Variants in LDB2 observed in about 807,000 individuals in gnomAD.
LDB2 encodes LIM domain-binding protein 2.
A neutral mutation model predicts 44.3 loss-of-function variants in LDB2; 12 were observed. The ratio of observed to expected loss-of-function variants is 0.27; its 90% confidence interval spans 0.17 to 0.44. LDB2 has a LOEUF of 0.44. Among genes scored for constraint, LDB2 ranks in the 20% least tolerant of loss-of-function variants. The pLI, the probability that LDB2 is intolerant of heterozygous loss-of-function variation, is 1.00. For synonymous variants in LDB2, 164 were observed against 174.8 expected (o/e 0.94, Z 0.49); for missense variants, 344 against 473.5 (o/e 0.73, Z 2.54).
At chr4:16,548,577 A>C (rs531960687) in intron 5 of LDB2, among the ~76,000 whole-genome samples, 25 of 152,338 alleles carry the variant, frequency 1.6e-4, no homozygotes, top group Non-Finnish European at 7.3e-5. Context: ...AAGACTTGGA[A>C]TGCAGCCTGC....
intron 5 of LDB2, among the ~76,000 whole-genome samples, chr4:16,525,894 A>G (rs568663805): frequency 4.6e-5 from 7 of 152,170 alleles, no homozygotes; most frequent in Non-Finnish European, 1.0e-4. Context: ...TCCACATTCT[A>G]ATGGTTCGAA....
rs555263752 is a variant in LDB2, at chr4:16,536,116, C to T, written c.616-24012G>A. 9.8e-5 allele frequency among the ~76,000 whole-genome samples: 15 copies of T among 152,300 alleles called. No homozygotes were observed. In the South Asian group the frequency reaches 3.1e-3, roughly 32 times the overall value. On this transcript the variant is annotated intron_variant, in intron 5 of 7. Transcript: ENST00000304523. The stretch of plus-strand genomic sequence containing the variant: ...GGTAAGGGGAATGCATTTGCCCCTA[C>T]AGGATGGTCGGCCCTCTCCCCAGTC...
intron 5 of LDB2, among the ~76,000 whole-genome samples, chr4:16,517,940 T>G (rs573578179): frequency 6.6e-6 from 1 of 152,112 alleles, no homozygotes; most frequent in Non-Finnish European, 1.5e-5. Flanking sequence ...ATAGATAGCT[T>G]GGCCAGATTT....
intron 5 of LDB2, among the ~76,000 whole-genome samples, chr4:16,514,127 C>T (rs113630682): frequency 7.2e-4 from 110 of 152,334 alleles, no homozygotes; most frequent in African/African-American, 2.4e-3. Flanking sequence ...TGTCCAATCA[C>T]AGTCCAACAC....
At chr4:16,755,649 A>C (rs1244824300) in intron 2 of LDB2, among the ~76,000 whole-genome samples, 1 of 152,016 alleles carries the variant, frequency 6.6e-6, no homozygotes, top group Admixed American at 6.6e-5. Context: ...CCAAGTTTCC[A>C]TTTTTAGAAA....
At chr4:16,525,171 G>A (rs4698154) in intron 5 of LDB2, among the ~76,000 whole-genome samples, 1 of 151,946 alleles carries the variant, frequency 6.6e-6, no homozygotes, top group African/African-American at 2.4e-5. Context: ...AAAGACAGCT[G>A]TGTGCTGGGG....
intron 5 of LDB2, among the ~76,000 whole-genome samples, chr4:16,532,142 T>G (rs1560384561): frequency 6.6e-6 from 1 of 152,174 alleles, no homozygotes; most frequent in Admixed American, 6.5e-5. Flanking sequence ...CCTTTGAGTT[T>G]TTTTCTTTTA....
chr4:16,649,788 C>A (rs149374060), intron 2 of LDB2, among the ~76,000 whole-genome samples: 2 of 152,238 alleles, frequency 1.3e-5, no homozygotes, highest in African/African-American at 4.8e-5. Flanking sequence ...AACTTAGAGA[C>A]TAGCACAAAA....
rs548381851 is a variant in LDB2, at chr4:16,809,883, A to G, written c.133-50623T>C. The stretch of plus-strand genomic sequence containing the variant: ...AGGATGGCTTTGAAGGATTTATAAG[A>G]AATCTACAGGCTTTAATACACTCGG... On this transcript the variant is annotated intron_variant, in intron 1 of 7. Coordinates refer to ENST00000304523, the MANE Select transcript of LDB2 (RefSeq NM_001290.5). 5.3e-5 allele frequency among the ~76,000 whole-genome samples: 8 copies of G among 152,322 alleles called. No individual in the cohort carries two copies. In the East Asian group the frequency reaches 1.5e-3, roughly 29 times the overall value.
chr4:16,793,654 C>T (rs1420479580), intron 1 of LDB2, among the ~76,000 whole-genome samples: 2 of 152,134 alleles, frequency 1.3e-5, no homozygotes, highest in African/African-American at 4.8e-5. Context: ...AAATATTTCA[C>T]CAATTATTAC....
chr4:16,560,836 G>T (rs1183254870), intron 5 of LDB2, among the ~76,000 whole-genome samples: 1 of 152,088 alleles, frequency 6.6e-6, no homozygotes, highest in Admixed American at 6.6e-5. Flanking sequence ...CTGGCAAACC[G>T]AATCCAGCAG....
At chr4:16,884,463 C>T (rs1368344257) in intron 1 of LDB2, among the ~76,000 whole-genome samples, 1 of 152,150 alleles carries the variant, frequency 6.6e-6, no homozygotes, top group African/African-American at 2.4e-5. Flanking sequence ...CAATCATATA[C>T]ACACTAACAC....
chr4:16,626,387 G>A (rs1730292853), intron 2 of LDB2, among the ~76,000 whole-genome samples: 1 of 152,156 alleles, frequency 6.6e-6, no homozygotes, highest in Admixed American at 6.5e-5. Flanking sequence ...GTGGCAGAAT[G>A]TCACATGTCA....
At chr4:16,515,540 C>T (rs1260764403) in intron 5 of LDB2, among the ~76,000 whole-genome samples, 1 of 152,196 alleles carries the variant, frequency 6.6e-6, no homozygotes, top group East Asian at 1.9e-4. Context: ...AAAGATTCCA[C>T]AGTCATCTGT....
intron 2 of LDB2, among the ~76,000 whole-genome samples, chr4:16,697,966 T>C (rs1247750487): frequency 6.6e-6 from 1 of 152,226 alleles, no homozygotes; most frequent in Admixed American, 6.5e-5. Flanking sequence ...AGGCATTGGA[T>C]AAGTTATATT....
At chr4:16,788,410 G>T (rs1774961052) in intron 1 of LDB2, among the ~76,000 whole-genome samples, 2 of 152,226 alleles carry the variant, frequency 1.3e-5, no homozygotes, top group South Asian at 2.1e-4. Context: ...GAAGTGAAAA[G>T]AAAATACTTG....
At chr4:16,808,904 G>T (rs1779272168) in intron 1 of LDB2, among the ~76,000 whole-genome samples, 1 of 152,112 alleles carries the variant, frequency 6.6e-6, no homozygotes, top group Non-Finnish European at 1.5e-5. Flanking sequence ...GCATGAATGG[G>T]ATTGTCACTG....
At chr4:16,769,868 A>T (rs758148501) in intron 1 of LDB2, among the ~76,000 whole-genome samples, 2 of 152,116 alleles carry the variant, frequency 1.3e-5, no homozygotes, top group African/African-American at 2.4e-5. Context: ...GTGCCTGTGG[A>T]TGCTGCCTTG....
intron 1 of LDB2, among the ~76,000 whole-genome samples, chr4:16,881,602 C>CTTT (rs34180998): frequency 0.018 from 2,444 of 133,136 alleles, 84 homozygotes; most frequent in African/African-American, 0.057. Flanking sequence ...GAATTTGGGC[C>CTTT]TTTTTTTTTT....
Sources: gnomAD v4.1 joint callset for allele counts (sites outside exome capture counted in the v4.1 genomes callset) on GRCh38, gnomAD v4.1.1 for gene constraint, MANE v1.5 for transcripts, NCBI Gene and HGNC (gene_info 2026-07-23, HGNC 2026-07-21) for gene names.